NAV2: variants seen among roughly 807,000 people sequenced by gnomAD.
NAV2 encodes the protein helicase, APC down-regulated 1.
NAV2 carries 54 observed loss-of-function variants against 223.2 expected under a neutral mutation model. That is an observed-to-expected ratio of 0.24 (90% CI 0.19 to 0.30). NAV2 has a LOEUF of 0.30. Among genes scored for constraint, NAV2 ranks in the 10% least tolerant of loss-of-function variants. The pLI is 1.00. For synonymous variants in NAV2, 1,279 were observed against 1,239.3 expected, an observed-to-expected ratio of 1.03 and a Z score of -0.67; for missense variants, 2,806 against 3,147.5, an observed-to-expected ratio of 0.89 and a Z score of 2.60.
intron 5 of NAV2, among the ~76,000 whole-genome samples, chr11:19,886,148 T>TG (rs1226359305): frequency 6.6e-6 from 1 of 151,558 alleles, no homozygotes; most frequent in African/African-American, 2.4e-5. Context: ...CAGCTAATTT[T>TG]TTTTTTTTTT....
chr11:19,769,159 G>T (rs1488978267), intron 1 of NAV2, among the ~76,000 whole-genome samples: 4 of 152,134 alleles, frequency 2.6e-5, no homozygotes, highest in Non-Finnish European at 5.9e-5. Flanking sequence ...TATAAAACCA[G>T]GTTATCATGA....
chr11:19,744,767 A>G (rs756451798), intron 1 of NAV2, among the ~76,000 whole-genome samples: 2 of 152,174 alleles, frequency 1.3e-5, no homozygotes, highest in Non-Finnish European at 2.9e-5. Flanking sequence ...CACCATCCTC[A>G]CCATCCTACA....
Position 20,003,234 on chromosome 11 carries a change from A to G in NAV2, c.2768+18987A>G, listed in dbSNP as rs991569287. Among the ~76,000 whole-genome samples the G allele has an allele frequency of 9.9e-5, 15 of 152,234 alleles. 1 individual carries two copies. Among genetic ancestry groups the G allele is most frequent in the Admixed American group, 9.2e-4 (14 of 15,286 alleles). On this transcript the variant is annotated intron_variant, in intron 11 of 37. Transcript: ENST00000349880. ...GCTAGGTGCTCTAAACATGCTGCAC[A>G]TTAACTTACATCATAACCTGGTGAG...
chr11:20,089,452 C>G (rs1224057105), intron 26 of NAV2, among the ~76,000 whole-genome samples: 1 of 152,100 alleles, frequency 6.6e-6, no homozygotes, highest in African/African-American at 2.4e-5. Context: ...ATTTCCACAC[C>G]CTCACCCAGT....
intron 3 of NAV2, among the ~76,000 whole-genome samples, chr11:19,857,024 C>T (rs2061444955): frequency 1.3e-5 from 2 of 152,180 alleles, no homozygotes; most frequent in Admixed American, 1.3e-4. Flanking sequence ...GGAACTGGTA[C>T]CAAGCTGAGG....
At chr11:19,590,050 G>C (rs1253725901) in intron 1 of NAV2, among the ~76,000 whole-genome samples, 1 of 152,108 alleles carries the variant, frequency 6.6e-6, no homozygotes, top group Non-Finnish European at 1.5e-5. Flanking sequence ...GTGGGTCCCA[G>C]GCTAGGCTTC....
intron 12 of NAV2, among the ~76,000 whole-genome samples, chr11:20,040,602 C>T (rs1045037025): frequency 1.3e-5 from 2 of 152,232 alleles, no homozygotes; most frequent in Non-Finnish European, 2.9e-5. Context: ...CTCTTGCTCT[C>T]AGAAGACTGG....
At position 19,553,831 on chromosome 11, in the gene NAV2, G is replaced by A. The variant is rs116577572; in HGVS notation, c.75+202804G>A. 4.1e-3 allele frequency among the ~76,000 whole-genome samples: 624 copies of A among 152,358 alleles called. 7 individuals are homozygous for A. Among genetic ancestry groups the A allele is most frequent in the African/African-American group, 0.014 (594 of 41,586 alleles). The stretch of plus-strand genomic sequence containing the variant: ...CAGACTGAGGAGAGGTACAGAGGCA[G>A]CACCAGCCTCTCTGTGCCAGCCGGG... On this transcript the variant is annotated intron_variant, in intron 1 of 37. Transcript: ENST00000360655.
intron 35 of NAV2, chr11:20,107,095 T>A (rs1475763192): frequency 4.0e-5 from 3 of 75,586 alleles, no homozygotes; most frequent in East Asian, 3.9e-4. Context: ...TTTTTTTTTT[T>A]AGGACGGAGT....
At chr11:19,774,694 T>C (rs1020662066) in intron 1 of NAV2, among the ~76,000 whole-genome samples, 1 of 152,194 alleles carries the variant, frequency 6.6e-6, no homozygotes, top group African/African-American at 2.4e-5. Flanking sequence ...AAGTGCATCA[T>C]GGTAGATGCT....
chr11:19,788,300 G>A (rs968683774), intron 1 of NAV2, among the ~76,000 whole-genome samples: 13 of 152,246 alleles, frequency 8.5e-5, no homozygotes, highest in Non-Finnish European at 1.3e-4. Flanking sequence ...AGATGTCCCC[G>A]AGGGGGGAAA....
rs368327768 is a variant in NAV2, at chr11:20,096,563, T to A, written c.6012+796T>A. Among the ~76,000 whole-genome samples, 423 of 152,366 alleles carry A rather than the reference T, an allele frequency of 2.8e-3. 2 individuals carry two copies. Among genetic ancestry groups the A allele is most frequent in the African/African-American group, 9.8e-3 (406 of 41,594 alleles). ...GGTCAGGTTGGGCACTTTTTCAAGGTCATGGATCTAGAATTAGACCCCGTT... is the reference window on the plus strand; with the variant it reads ...GGTCAGGTTGGGCACTTTTTCAAGGACATGGATCTAGAATTAGACCCCGTT... On this transcript the variant is annotated intron_variant, in intron 30 of 37. Transcript: ENST00000349880.
chr11:19,829,732 GCCTTCACTTC>G (rs2059825952), intron 1 of NAV2, among the ~76,000 whole-genome samples: 1 of 152,056 alleles, frequency 6.6e-6, no homozygotes, highest in Admixed American at 6.6e-5. Flanking sequence ...CTCCCCAATT[GCCTTCACTTC>G]CTGAGCCCCA....
rs947697943 is a variant in NAV2 at position 19,474,002 on chromosome 11, A to G, written c.75+122975A>G. Among the ~76,000 whole-genome samples, 4 of 152,314 alleles carry G rather than the reference A, an allele frequency of 2.6e-5. No homozygotes were observed. The East Asian group carries it at 7.7e-4, about 29-fold the overall frequency. ...CAGGTCCGCTGGGGCCTGCAGGCCC[A>G]CTATTCCTTCTTTTTAGTCCTGGAC... On this transcript the variant is annotated intron_variant, in intron 1 of 37. Coordinates refer to the NAV2 transcript ENST00000360655.
At chr11:20,068,849 CT>C (rs1458898025) in intron 22 of NAV2, among the ~76,000 whole-genome samples, 1 of 152,156 alleles carries the variant, frequency 6.6e-6, no homozygotes. Context: ...TTAGGAGATG[CT>C]GCCAACCAGC....
intron 1 of NAV2, among the ~76,000 whole-genome samples, chr11:19,628,674 C>T (rs544568212): frequency 1.0e-3 from 157 of 152,290 alleles, no homozygotes; most frequent in African/African-American, 3.7e-3. Flanking sequence ...CATACACTTA[C>T]CCATATTCAC....
chr11:20,087,533 T>A (rs538505075), intron 26 of NAV2, among the ~76,000 whole-genome samples: 2 of 152,286 alleles, frequency 1.3e-5, no homozygotes, highest in East Asian at 3.9e-4. Flanking sequence ...ATGGTAGTTG[T>A]GGTAAGGCAA....
At chr11:19,510,682 G>A (rs545450912) in intron 1 of NAV2, among the ~76,000 whole-genome samples, 1 of 152,346 alleles carries the variant, frequency 6.6e-6, no homozygotes, top group Non-Finnish European at 1.5e-5. Flanking sequence ...TGTGTATTGT[G>A]GCAGGGCCAG....
chr11:19,887,786 T>C (rs1042953972), intron 5 of NAV2, among the ~76,000 whole-genome samples: 1 of 151,958 alleles, frequency 6.6e-6, no homozygotes, highest in Non-Finnish European at 1.5e-5. Flanking sequence ...GCAGATGCCA[T>C]GGAAATGAGA....
Sources: gnomAD v4.1 joint callset for allele counts (sites outside exome capture counted in the v4.1 genomes callset) on GRCh38, gnomAD v4.1.1 for gene constraint, MANE v1.5 for transcripts, NCBI Gene and HGNC (gene_info 2026-07-23, HGNC 2026-07-21) for gene names.